The following RREB1 variants were observed in gnomAD, a reference collection of about 807,000 sequenced individuals.
The protein encoded by RREB1 is ras responsive element binding protein 1.
RREB1 carries 27 observed loss-of-function variants against 117.8 expected under a neutral mutation model. That is an observed-to-expected ratio of 0.23 (90% CI 0.17 to 0.32). The LOEUF (loss-of-function observed/expected upper bound fraction) is 0.32, where lower values mean the gene tolerates loss of function less well. Among genes scored for constraint, RREB1 ranks in the 10% least tolerant of loss-of-function variants. The probability of loss-of-function intolerance (pLI) is 1.00; values close to 1 mark genes in which losing one functional copy is unlikely to be tolerated. For synonymous variants in RREB1, 1,298 were observed against 1,026.7 expected, an observed-to-expected ratio of 1.26 and a Z score of -5.05; for missense variants, 2,577 against 2,378.2, an observed-to-expected ratio of 1.08 and a Z score of -1.74.
Position 7,230,316 on chromosome 6 carries a change from C to G in RREB1, c.2217C>G (p.Ser739Arg). ...AGAAGAACATCGAGTATGTGAGTAG[C>G]AGCGCGGCCGAGCTGGTGGACGCCT... ...DIEKNIEYVSSSAAELVDAFC... is the reference protein window; with the variant it reads ...DIEKNIEYVSRSAAELVDAFC... Residue 739 changes from serine to arginine, a missense_variant, in exon 10 of 13, where the codon AGC (serine) becomes AGG (arginine). Coordinates refer to ENST00000379938, the MANE Select transcript of RREB1 (RefSeq NM_001003699.4). 1 of 1,588,942 alleles carries G rather than the reference C, an allele frequency of 6.3e-7. No individual in the cohort carries two copies. Among genetic ancestry groups the G allele is most frequent in the East Asian group, 2.2e-5 (1 of 44,680 alleles).
At chr6:7,118,987 T>G (rs1233982831) in intron 1 of RREB1, among the ~76,000 whole-genome samples, 1 of 151,960 alleles carries the variant, frequency 6.6e-6, no homozygotes, top group Non-Finnish European at 1.5e-5. Flanking sequence ...TTACAGATTT[T>G]TATTGATTCA....
intron 6 of RREB1, among the ~76,000 whole-genome samples, chr6:7,209,532 A>G (rs1766463286): frequency 6.6e-6 from 1 of 150,454 alleles, no homozygotes; most frequent in Non-Finnish European, 1.5e-5. Flanking sequence ...GAACTAAATA[A>G]TGGTTGTCTG....
chr6:7,229,202 G>A lies in RREB1; in HGVS notation c.1103G>A (p.Gly368Asp). ...CAGAAGGGCTTCCTGGCCTTGCTTG[G>A]CCTGCAGCACACCAAAGACGTCAGG... is the stretch of plus-strand genomic sequence containing the variant. ...LDQKGFLALL[G>D]LQHTKDVRPA... Residue 368 changes from glycine to aspartate, a missense_variant, in exon 10 of 13, where the codon GGC becomes GAC. Coordinates refer to ENST00000379938, the MANE Select transcript of RREB1 (RefSeq NM_001003699.4). This position sits in a 1 kb window ranked among gnomAD's most constrained non-coding sequence, Gnocchi z 4.5. The A allele has an allele frequency of 6.2e-7, 1 of 1,612,332 alleles. No individual in the cohort carries two copies. The highest frequency in any genetic ancestry group is 8.5e-7 in the Non-Finnish European group (1 of 1,178,808).
intron 1 of RREB1, among the ~76,000 whole-genome samples, chr6:7,145,248 A>G (rs771801277): frequency 7.9e-5 from 12 of 152,182 alleles, no homozygotes; most frequent in Non-Finnish European, 1.5e-4. Flanking sequence ...GTGTGGTCGC[A>G]TGTTTTGGTG....
intron 10 of RREB1, among the ~76,000 whole-genome samples, chr6:7,232,910 T>C (rs1768090843): frequency 6.6e-6 from 1 of 152,088 alleles, no homozygotes; most frequent in African/African-American, 2.4e-5. Flanking sequence ...TTTTTCTTTT[T>C]TTGAGACGGA....
At chr6:7,178,689 A>T (rs1764633853) in intron 2 of RREB1, among the ~76,000 whole-genome samples, 1 of 152,174 alleles carries the variant, frequency 6.6e-6, no homozygotes, top group Non-Finnish European at 1.5e-5. Flanking sequence ...TTTTTCAAAC[A>T]GTGTAGCTAT....
chr6:7,211,539 C>G (rs748849737), intron 7 of RREB1, 34 bp from the exon 8 acceptor site: 5 of 1,609,308 alleles, frequency 3.1e-6, no homozygotes, highest in South Asian at 1.1e-5. Context: ...ATGTGGGAGA[C>G]CTTCATGACT....
intron 11 of RREB1, among the ~76,000 whole-genome samples, chr6:7,244,747 C>T (rs956154602): frequency 2.6e-5 from 4 of 152,146 alleles, no homozygotes; most frequent in South Asian, 2.1e-4. Flanking sequence ...TGTAAGTAGC[C>T]GCGTTATGCA....
At chr6:7,196,103 G>A (rs1323214448) in intron 6 of RREB1, among the ~76,000 whole-genome samples, 1 of 151,870 alleles carries the variant, frequency 6.6e-6, no homozygotes, top group Non-Finnish European at 1.5e-5. Flanking sequence ...CACGTGGGAT[G>A]CACACCTCCG....
At chr6:7,153,444 A>AC (rs1554118520) in intron 1 of RREB1, among the ~76,000 whole-genome samples, 9 of 151,694 alleles carry the variant, frequency 5.9e-5, no homozygotes, top group South Asian at 2.1e-4. Context: ...ACACACACAC[A>AC]AATCCTCCAA....
intron 6 of RREB1, among the ~76,000 whole-genome samples, chr6:7,196,242 T>G (rs997028737): frequency 2.0e-5 from 3 of 149,580 alleles, no homozygotes; most frequent in African/African-American, 7.4e-5. Flanking sequence ...TTTTTTTTTT[T>G]TTTTGCTGAA....
chr6:7,219,649 GT>G (rs1239775437), intron 8 of RREB1, among the ~76,000 whole-genome samples: 1 of 152,176 alleles, frequency 6.6e-6, no homozygotes, highest in East Asian at 1.9e-4. Context: ...TGGCTTGTCT[GT>G]TTGATTTTTG....
In RREB1 at chr6:7,194,062, A is replaced by G. The variant is rs191730774; in HGVS notation, c.425+4740A>G. Among the ~76,000 whole-genome samples, 304 of 152,296 alleles carry G rather than the reference A, an allele frequency of 2.0e-3. 1 individual carries two copies. Among genetic ancestry groups the G allele is most frequent in the African/African-American group, 7.0e-3 (291 of 41,556 alleles). On this transcript the variant is annotated intron_variant, in intron 6 of 12. Coordinates refer to ENST00000379938, the MANE Select transcript of RREB1 (RefSeq NM_001003699.4). ...TTCTGTCATCCCAGTAGCATATTCT[A>G]TGTATAGTGAGCATGGGATAGTTTT...
At chr6:7,208,070 T>C (rs1766375790) in intron 6 of RREB1, among the ~76,000 whole-genome samples, 2 of 152,224 alleles carry the variant, frequency 1.3e-5, no homozygotes, top group Non-Finnish European at 2.9e-5. Flanking sequence ...GTTCATGGGC[T>C]CCTTGTCATT....
Position 7,231,839 on chromosome 6 carries a change from CCTGTCCCCA to C in RREB1, c.3749_3757del (p.His1250_Pro1252del), listed in dbSNP as rs1353610168. The C allele has an allele frequency of 6.8e-6, 11 of 1,613,578 alleles. No individual in the cohort carries two copies. Among genetic ancestry groups the C allele is most frequent in the African/African-American group, 1.3e-5 (1 of 74,944 alleles). On this transcript the variant is annotated inframe_deletion, in exon 10 of 13. Coordinates refer to ENST00000379938, the MANE Select transcript of RREB1 (RefSeq NM_001003699.4). ...TACACCAACTGCCTGCAGAAGATCA[CCTGTCCCCA>C]CTGTCCCCGGGTTTTCCCTTGGGCC...
At chr6:7,200,196 GTATA>G (rs1472679106) in intron 6 of RREB1, among the ~76,000 whole-genome samples, 1 of 149,300 alleles carries the variant, frequency 6.7e-6, no homozygotes. Flanking sequence ...ATGTGTGTGT[GTATA>G]TATGTATGTA....
At chr6:7,137,715 G>T (rs566563099) in intron 1 of RREB1, among the ~76,000 whole-genome samples, 1 of 152,044 alleles carries the variant, frequency 6.6e-6, no homozygotes, top group Non-Finnish European at 1.5e-5. Context: ...CGTGAGAGTC[G>T]TGTCTCTCTC....
Position 7,247,240 on chromosome 6 carries a change from G to A in RREB1, c.4771+19G>A, listed in dbSNP as rs1769140964. 6.3e-7 allele frequency: 1 copy of A among 1,597,526 alleles called. No homozygotes were observed. The highest frequency in any genetic ancestry group is 8.5e-7 in the Non-Finnish European group (1 of 1,171,304). On this transcript the variant is annotated intron_variant, in intron 12 of 12. Coordinates refer to ENST00000379938, the MANE Select transcript of RREB1 (RefSeq NM_001003699.4). The stretch of plus-strand genomic sequence containing the variant: ...CACACAGGTAACCAGGGCAGGCCAG[G>A]TCCCCGGCCCAACAAGAGGAGGCGA...
At chr6:7,217,272 G>T (rs1340595954) in intron 8 of RREB1, 1 of 152,246 alleles carries the variant, frequency 6.6e-6, no homozygotes, top group Non-Finnish European at 1.5e-5. Flanking sequence ...CAGGAAAAAT[G>T]AAGCATGAAA....
Sources: gnomAD v4.1 joint callset for allele counts (sites outside exome capture counted in the v4.1 genomes callset) on GRCh38, gnomAD v4.1.1 for gene constraint, Gnocchi (gnomAD v3.1) non-coding constraint, MANE v1.5 for transcripts, NCBI Gene and HGNC (gene_info 2026-07-23, HGNC 2026-07-21) for gene names.